The following ARHGAP20 variants were observed in gnomAD, a reference collection of about 807,000 sequenced individuals.
The protein encoded by ARHGAP20 is rho GTPase-activating protein 20.
In ARHGAP20, 34 loss-of-function variants were observed where a neutral mutation model predicts 73.7. The ratio of observed to expected loss-of-function variants is 0.46; its 90% CI spans 0.35 to 0.61. The LOEUF (loss-of-function observed/expected upper bound fraction) is 0.61. ARHGAP20 is among the 20% of genes least tolerant of loss of function. The probability of loss-of-function intolerance (pLI) is 0.00; values close to 1 mark genes in which losing one functional copy is unlikely to be tolerated. For missense variants in ARHGAP20, 1,314 were observed against 1,420.9 expected, an observed-to-expected ratio of 0.92 and a Z score of 1.21; for synonymous variants, 523 against 518.2, an observed-to-expected ratio of 1.01 and a Z score of -0.13.
Position 110,704,278 on chromosome 11 carries a change from A to C in ARHGAP20, c.105+7849T>G, listed in dbSNP as rs970323819. On this transcript the variant is annotated intron_variant, in intron 1 of 14. Coordinates refer to ENST00000683387, the MANE Select transcript of ARHGAP20 (RefSeq NM_001384657.1). ...AAATTAGGACTCAGGTAAATAAGGA[A>C]AGCAAAAGGCCACAGAGCAGCTGCG... Among the ~76,000 whole-genome samples, 10 of 152,286 alleles carry C rather than the reference A, an allele frequency of 6.6e-5. No individual in the cohort carries two copies. The East Asian group carries it at 1.9e-3, about 29-fold the overall frequency.
intron 2 of ARHGAP20, among the ~76,000 whole-genome samples, chr11:110,648,336 A>G (rs1949271204): frequency 1.1e-5 from 1 of 90,636 alleles, no homozygotes; most frequent in Non-Finnish European, 1.9e-5. Flanking sequence ...ATATGTGTAT[A>G]TGTGTGTGTG....
rs1947326639 is a variant in ARHGAP20, at chr11:110,577,773, G to C, written c.*1597C>G. The C allele has an allele frequency of 1.0e-6, 1 of 985,740 alleles. No individual in the cohort carries two copies. The highest frequency in any genetic ancestry group is 1.2e-6 in the Non-Finnish European group (1 of 829,932). The allele number at this position is 985,740 out of a possible 1,614,324, so 61.1% of individuals were successfully genotyped here. A position where few individuals can be genotyped will look rare whatever the true frequency, so the allele number is the denominator to read the frequency against. On this transcript the variant is annotated 3_prime_UTR_variant, in exon 15 of 15. Transcript: ENST00000683387. The stretch of plus-strand genomic sequence containing the variant: ...TAATGGTTAGCGCAAACAGGGCCAT[G>C]TCCCCAAGAGGTAGGTAGCACCTAT...
chr11:110,679,877 A>G (rs770980403), intron 2 of ARHGAP20, among the ~76,000 whole-genome samples: 3 of 152,156 alleles, frequency 2.0e-5, no homozygotes, highest in Non-Finnish European at 4.4e-5. Context: ...GCATTAATTC[A>G]ATATACATTA....
At chr11:110,661,502 T>A (rs1949611103) in intron 2 of ARHGAP20, among the ~76,000 whole-genome samples, 1 of 152,100 alleles carries the variant, frequency 6.6e-6, no homozygotes, top group Non-Finnish European at 1.5e-5. Flanking sequence ...CTCTCATCAT[T>A]AACACAACCA....
In ARHGAP20 at chr11:110,684,483, G is replaced by T. The variant is rs188238188; in HGVS notation, c.188+6064C>A. Among the ~76,000 whole-genome samples the T allele has an allele frequency of 3.1e-3, 474 of 152,030 alleles. 14 individuals carry two copies. The highest frequency in any genetic ancestry group is 0.028 in the Admixed American group (430 of 15,244). ...GTATTTTTCTGAAAAATGTAAATTT[G>T]TTCAACTCCTATGAAAAATAGTATG... is the stretch of plus-strand genomic sequence containing the variant. On this transcript the variant is annotated intron_variant, in intron 2 of 14. Coordinates refer to ENST00000683387, the MANE Select transcript of ARHGAP20 (RefSeq NM_001384657.1).
intron 9 of ARHGAP20, among the ~76,000 whole-genome samples, chr11:110,596,310 A>G (rs7396802): frequency 0.5 from 72,864 of 146,862 alleles, 19,588 homozygotes; most frequent in African/African-American, 0.7. Flanking sequence ...TAATTAAACT[A>G]AAGAGCTTCT....
rs1445355383 is a variant in ARHGAP20 at position 110,712,220 on chromosome 11, C to T, written c.12G>A (p.Met4Ile). MEA[M>I]SPQQETLGGQ... ...CCCCTAGAGTCTCCTGCTGGGGGGA[C>T]ATCGCTTCCATGAAGAAAATCTTCA... The change falls in exon 1 of 15, where the codon ATG becomes ATA. Residue 4 changes from methionine to isoleucine, a missense_variant. Physicochemically the swap from Met to Ile is conservative, Grantham distance 10. This residue lies in a region of ARHGAP20 where 443 missense variants were observed against 466.4 expected (regional missense o/e 0.95). Transcript: ENST00000683387. The T allele has an allele frequency of 7.4e-7, 1 of 1,358,600 alleles. No individual in the cohort carries two copies. The highest frequency in any genetic ancestry group is 9.6e-7 in the Non-Finnish European group (1 of 1,047,056). 84.2% of individuals were successfully genotyped at this position (1,358,600 alleles called of 1,614,324 possible).
intron 2 of ARHGAP20, among the ~76,000 whole-genome samples, chr11:110,650,515 C>A (rs901622487): frequency 1.3e-5 from 2 of 152,116 alleles, no homozygotes; most frequent in East Asian, 3.8e-4. Flanking sequence ...AAGTAACTAA[C>A]TCTCTTGAGT....
At chr11:110,619,361 A>G (rs1375251789) in intron 4 of ARHGAP20, among the ~76,000 whole-genome samples, 72 of 150,562 alleles carry the variant, frequency 4.8e-4, no homozygotes, top group African/African-American at 1.5e-3. Context: ...ATATGTAGTG[A>G]TAGCATATAT....
At chr11:110,629,453 C>T (rs1202187478) in intron 3 of ARHGAP20, among the ~76,000 whole-genome samples, 1 of 152,108 alleles carries the variant, frequency 6.6e-6, no homozygotes, top group African/African-American at 2.4e-5. Context: ...AAAATAATGA[C>T]TTTTTCCTCT....
At chr11:110,587,763 C>CTT (rs144274780) in intron 11 of ARHGAP20, among the ~76,000 whole-genome samples, 28 of 149,414 alleles carry the variant, frequency 1.9e-4, no homozygotes, top group African/African-American at 4.2e-4. Flanking sequence ...TATTACTATC[C>CTT]TTTTTTTTTT....
intron 2 of ARHGAP20, among the ~76,000 whole-genome samples, chr11:110,648,239 A>AC (rs1286274438): frequency 0.025 from 2,576 of 102,846 alleles, 110 homozygotes; most frequent in African/African-American, 0.089. Context: ...ATATATATGT[A>AC]AATATATATA....
At chr11:110,712,474 C>T (rs1950690562), upstream of ARHGAP20, 1 of 166,848 alleles carries the variant, frequency 6.0e-6, no homozygotes, top group Non-Finnish European at 1.3e-5. Context: ...GCCCGCCCCG[C>T]CTCGGGCCCG....
chr11:110,662,136 GAAAT>G (rs948782585), intron 2 of ARHGAP20, among the ~76,000 whole-genome samples: 1 of 151,444 alleles, frequency 6.6e-6, no homozygotes, highest in African/African-American at 2.4e-5. Flanking sequence ...GTTTACGTAA[GAAAT>G]ATATATATAT....
intron 1 of ARHGAP20, among the ~76,000 whole-genome samples, chr11:110,705,299 A>T (rs1950532829): frequency 6.6e-6 from 1 of 152,128 alleles, no homozygotes; most frequent in African/African-American, 2.4e-5. Context: ...CCATCCACTG[A>T]ACATGTTCCA....
At position 110,580,987 on chromosome 11, in the gene ARHGAP20, C is replaced by G. The variant is rs761438454; in HGVS notation, c.1959G>C (p.Arg653=). 1 of 1,614,122 alleles carries G rather than the reference C, an allele frequency of 6.2e-7. No homozygotes were observed. Among genetic ancestry groups the G allele is most frequent in the Non-Finnish European group, 8.5e-7 (1 of 1,180,032 alleles). Reference sequence around the variant, plus strand: ...TGTTCACCGGCTTGGATTCAAGAGGCCGTTTCATTTGAACATCTTCATCTT... The same window carrying G: ...TGTTCACCGGCTTGGATTCAAGAGGGCGTTTCATTTGAACATCTTCATCTT... The part of the protein sequence containing the change: ...HSKDEDVQMK[R]PLESKPVNIL... The change falls in exon 15 of 15, where the codon CGG becomes CGC. Residue 653 remains arginine (R), a synonymous_variant. Transcript: ENST00000683387.
At chr11:110,654,037 C>T (rs961156750) in intron 2 of ARHGAP20, among the ~76,000 whole-genome samples, 1 of 152,054 alleles carries the variant, frequency 6.6e-6, no homozygotes, top group East Asian at 1.9e-4. Flanking sequence ...GAACAACATA[C>T]ACTGGGGCCT....
intron 2 of ARHGAP20, among the ~76,000 whole-genome samples, chr11:110,635,857 A>G (rs1329902458): frequency 6.6e-6 from 1 of 152,082 alleles, no homozygotes; most frequent in Non-Finnish European, 1.5e-5. Context: ...ATCTTTTAGT[A>G]TGTAGTGATT....
Position 110,636,503 on chromosome 11 carries a change from G to C in ARHGAP20, c.189-5711C>G, listed in dbSNP as rs568569649. ...CACACAATAACTCATTTTCCTCCTC[G>C]TGATATTACTTTCAAATAAGTGGAC... On this transcript the variant is annotated intron_variant, in intron 2 of 14. Transcript: ENST00000683387. Among the ~76,000 whole-genome samples the C allele has an allele frequency of 2.0e-5, 3 of 152,090 alleles. No homozygotes were observed. The South Asian group carries it at 6.2e-4, about 32-fold the overall frequency.
Sources: gnomAD v4.1 joint callset for allele counts (sites outside exome capture counted in the v4.1 genomes callset) on GRCh38, gnomAD v4.1.1 for gene constraint, gnomAD v4.1.1 regional missense constraint, MANE v1.5 for transcripts, NCBI Gene and HGNC (gene_info 2026-07-23, HGNC 2026-07-21) for gene names.